ADGRD1: variants seen among roughly 807,000 people sequenced by gnomAD.
ADGRD1 encodes the protein adhesion G protein-coupled receptor D1, also known as G-protein coupled receptor 133.
A neutral mutation model predicts 113.4 loss-of-function variants in ADGRD1; 77 were observed. That is an observed-to-expected ratio of 0.68 (90% CI 0.57 to 0.82). The LOEUF (loss-of-function observed/expected upper bound fraction) is 0.82, where lower values mean the gene tolerates loss of function less well. Ranked by LOEUF, ADGRD1 falls within the 40% of genes least tolerant of loss-of-function variation. The pLI, the probability that ADGRD1 is intolerant of heterozygous loss-of-function variation, is 0.00. For synonymous variants in ADGRD1, 474 were observed against 475.0 expected (o/e 1.00, Z 0.03); for missense variants, 1,036 against 1,139.1 (o/e 0.91, Z 1.30).
rs1318413133 is a variant in ADGRD1, at chr12:131,139,926, G to A, written c.*663G>A. ...GGGAGTCGTTGACTCTCCAGGTGAG[G>A]GCGACCCCTCTGCCCTGTCCTTGGG... On this transcript the variant is annotated 3_prime_UTR_variant, in exon 25 of 25. Coordinates refer to ENST00000261654, the MANE Select transcript of ADGRD1 (RefSeq NM_198827.5). 6.6e-6 allele frequency: 1 copy of A among 152,646 alleles called. No individual in the cohort carries two copies. Among genetic ancestry groups the A allele is most frequent in the Admixed American group, 6.5e-5 (1 of 15,326 alleles). 9.5% of individuals were successfully genotyped at this position (152,646 alleles called of 1,614,324 possible).
chr12:131,006,163 C>T (rs916775762), intron 12 of ADGRD1, 116 bp downstream of exon 12: 16 of 920,766 alleles, frequency 1.7e-5, no homozygotes, highest in African/African-American at 9.8e-5. Flanking sequence ...ACACGAGTAC[C>T]GGGCGCTTCA....
chr12:130,985,733 G>A (rs1176687271), intron 5 of ADGRD1, among the ~76,000 whole-genome samples: 2 of 151,944 alleles, frequency 1.3e-5, no homozygotes, highest in Admixed American at 6.6e-5. Flanking sequence ...TTGTATTTTT[G>A]TGGAGACGGG....
chr12:131,012,375 G>A lies in ADGRD1; in HGVS notation c.1332-1824G>A, dbSNP rs181687828. Among the ~76,000 whole-genome samples, 306 of 151,908 alleles carry A rather than the reference G, an allele frequency of 2.0e-3. 1 individual carries two copies. Among genetic ancestry groups the A allele is most frequent in the African/African-American group, 6.5e-3 (271 of 41,408 alleles). Reference sequence around the variant, plus strand: ...GGTCACATAGAGGAATTGCCGGGTCGAGCAGTCGCGTCTGTTGTTACTCAC... The same window carrying A: ...GGTCACATAGAGGAATTGCCGGGTCAAGCAGTCGCGTCTGTTGTTACTCAC... On this transcript the variant is annotated intron_variant, in intron 12 of 24. Coordinates refer to ENST00000261654, the MANE Select transcript of ADGRD1 (RefSeq NM_198827.5).
intron 17 of ADGRD1, among the ~76,000 whole-genome samples, chr12:131,107,854 G>T (rs375837318): frequency 6.6e-6 from 1 of 152,204 alleles, no homozygotes; most frequent in African/African-American, 2.4e-5. Context: ...TGCCTTGGGC[G>T]TATCTGAAGG....
chr12:131,062,158 G>A (rs747951100), intron 13 of ADGRD1, among the ~76,000 whole-genome samples: 18 of 152,120 alleles, frequency 1.2e-4, no homozygotes, highest in African/African-American at 2.7e-4. Context: ...TCCCAAGCCC[G>A]GCTCATTTTT....
At chr12:131,123,058 T>TTTG (rs1950640884) in intron 20 of ADGRD1, among the ~76,000 whole-genome samples, 1 of 132,640 alleles carries the variant, frequency 7.5e-6, no homozygotes, top group Non-Finnish European at 1.6e-5. Flanking sequence ...TTTTTTTTTT[T>TTTG]TTTTTTTTTT....
At chr12:131,103,077 G>A (rs1029405304) in intron 15 of ADGRD1, among the ~76,000 whole-genome samples, 10 of 152,342 alleles carry the variant, frequency 6.6e-5, no homozygotes, top group South Asian at 4.1e-4. Flanking sequence ...CACCTTTCCC[G>A]TGATAGCCAC....
chr12:131,066,025 G>A (rs1884692608), intron 13 of ADGRD1, among the ~76,000 whole-genome samples: 1 of 152,120 alleles, frequency 6.6e-6, no homozygotes, highest in Non-Finnish European at 1.5e-5. Flanking sequence ...ACTCTGGCAG[G>A]GGTGAGGCTG....
At chr12:130,997,292 G>T (rs1331324876) in intron 8 of ADGRD1, among the ~76,000 whole-genome samples, 4 of 148,790 alleles carry the variant, frequency 2.7e-5, no homozygotes, top group African/African-American at 1.0e-4. Flanking sequence ...GGGGCAGCTG[G>T]CCTGGCGGGG....
chr12:131,121,791 T>A (rs981852777), intron 20 of ADGRD1, among the ~76,000 whole-genome samples: 2 of 152,068 alleles, frequency 1.3e-5, no homozygotes, highest in Admixed American at 6.5e-5. Context: ...GGCTCGTCCC[T>A]CATCTTCTCT....
chr12:130,960,597 A>G (rs971221125), intron 2 of ADGRD1, among the ~76,000 whole-genome samples: 17 of 151,830 alleles, frequency 1.1e-4, no homozygotes, highest in African/African-American at 4.1e-4. Context: ...TTCTACCTGT[A>G]TAGTTAGTTT....
In ADGRD1 at chr12:131,105,746, G is replaced by C. The variant is rs1167172131; in HGVS notation, c.1776-8G>C. On this transcript the variant is annotated splice_polypyrimidine_tract_variant and splice_region_variant and intron_variant, in intron 16 of 24. Transcript: ENST00000261654. Reference sequence around the variant, plus strand: ...GGCCCAGGCCTCACACCCTGCCTCTGTCCTCAGCTCCGTGAGCACCATCCG... The same window carrying C: ...GGCCCAGGCCTCACACCCTGCCTCTCTCCTCAGCTCCGTGAGCACCATCCG... 2 of 1,598,760 alleles carry C rather than the reference G, an allele frequency of 1.3e-6. No individual in the cohort carries two copies. Among genetic ancestry groups the C allele is most frequent in the East Asian group, 2.2e-5 (1 of 44,842 alleles).
intron 2 of ADGRD1, chr12:130,956,793 G>A (rs1565978374): frequency 6.6e-6 from 1 of 152,024 alleles, no homozygotes; most frequent in African/African-American, 2.4e-5. Flanking sequence ...GTGTCCACAT[G>A]CCCCCCCATG....
chr12:131,010,783 G>T (rs954105243), intron 12 of ADGRD1, among the ~76,000 whole-genome samples: 2 of 152,062 alleles, frequency 1.3e-5, no homozygotes, highest in Non-Finnish European at 2.9e-5. Context: ...ACAGTCACGG[G>T]CCAGGAACAA....
intron 13 of ADGRD1, among the ~76,000 whole-genome samples, chr12:131,065,956 C>T (rs1884690454): frequency 6.6e-6 from 1 of 152,000 alleles, no homozygotes; most frequent in Admixed American, 6.5e-5. Flanking sequence ...ACGCTGGGGA[C>T]CTTTTGAGCT....
At chr12:131,128,094 T>A (rs1415788077) in intron 20 of ADGRD1, among the ~76,000 whole-genome samples, 1 of 140,174 alleles carries the variant, frequency 7.1e-6, no homozygotes, top group Admixed American at 7.2e-5. Context: ...GTTGTGTTGG[T>A]TGTGATGGGA....
rs757334625 is a variant in ADGRD1, at chr12:131,084,059, C to A, written c.1548-481C>A. 6.6e-6 allele frequency among the ~76,000 whole-genome samples: 1 copy of A among 152,160 alleles called. No homozygotes were observed. The highest frequency in any genetic ancestry group is 1.5e-5 in the Non-Finnish European group (1 of 68,040). On this transcript the variant is annotated intron_variant, in intron 14 of 24. Transcript: ENST00000261654. This position sits in a 1 kb window ranked among gnomAD's most constrained non-coding sequence, Gnocchi z 4.5. ...TCAAGGATGTTCTTTTTAACCGATG[C>A]GAGGTCTTTTATCATATTTCTCTCT...
chr12:130,969,000 G>A (rs1365549339), intron 3 of ADGRD1: 1 of 1,535,158 alleles, frequency 6.5e-7, no homozygotes, highest in Admixed American at 2.0e-5. Context: ...CAAGCTCACT[G>A]TGCTTCCTTC....
intron 13 of ADGRD1, among the ~76,000 whole-genome samples, chr12:131,032,934 C>A (rs1445984184): frequency 4.1e-5 from 4 of 98,444 alleles, no homozygotes; most frequent in Non-Finnish European, 6.4e-5. Flanking sequence ...GAAATCGCCA[C>A]CCCGTCACAG....
Sources: allele counts gnomAD v4.1 joint callset (sites outside exome capture counted in the v4.1 genomes callset), GRCh38; gene constraint gnomAD v4.1.1; non-coding constraint Gnocchi (gnomAD v3.1); transcripts MANE v1.5; gene names NCBI Gene and HGNC (gene_info 2026-07-23, HGNC 2026-07-21).